Variants in GRM8 observed in about 807,000 individuals in gnomAD.
GRM8 encodes metabotropic glutamate receptor 8.
A neutral mutation model predicts 87.2 loss-of-function variants in GRM8; 47 were observed. The observed-to-expected ratio is 0.54, with a 90% CI of 0.43 to 0.69. GRM8 has a LOEUF of 0.69. Ranked by LOEUF, GRM8 falls within the 30% of genes least tolerant of loss-of-function variation. The pLI is 0.00. For synonymous variants in GRM8, 396 were observed against 404.5 expected (o/e 0.98, Z 0.25); for missense variants, 1,019 against 1,139.2 (o/e 0.89, Z 1.52).
chr7:127,206,853 C>T (rs116155056), intron 2 of GRM8, among the ~76,000 whole-genome samples: 2 of 152,168 alleles, frequency 1.3e-5, no homozygotes, highest in Non-Finnish European at 2.9e-5. Flanking sequence ...AAGACTTTTC[C>T]TTAATTATCA....
At chr7:126,568,419 A>T (rs1437313561) in intron 8 of GRM8, among the ~76,000 whole-genome samples, 1 of 152,134 alleles carries the variant, frequency 6.6e-6, no homozygotes, top group Non-Finnish European at 1.5e-5. Context: ...TTTAAAACTA[A>T]GTTATTTAGG....
chr7:127,175,578 T>C (rs1299535423), intron 2 of GRM8, among the ~76,000 whole-genome samples: 3 of 151,972 alleles, frequency 2.0e-5, no homozygotes, highest in Non-Finnish European at 4.4e-5. Flanking sequence ...AGAGAAAACC[T>C]TAGAAGAAGC....
chr7:127,078,834 G>T (rs371609062), intron 3 of GRM8, among the ~76,000 whole-genome samples: 1 of 152,184 alleles, frequency 6.6e-6, no homozygotes, highest in Non-Finnish European at 1.5e-5. Context: ...TTAGAATTAG[G>T]AGTAATTTTC....
intron 7 of GRM8, among the ~76,000 whole-genome samples, chr7:126,695,000 C>A (rs1202315390): frequency 6.6e-6 from 1 of 152,128 alleles, no homozygotes; most frequent in African/African-American, 2.4e-5. Context: ...CCCTGCATCC[C>A]CAGTCTTGCC....
chr7:127,158,026 T>G (rs1343830398), intron 2 of GRM8, among the ~76,000 whole-genome samples: 1 of 152,146 alleles, frequency 6.6e-6, no homozygotes, highest in African/African-American at 2.4e-5. Flanking sequence ...ACCTAAGATC[T>G]AATTAAAACA....
chr7:126,916,849 A>C (rs1470519687), intron 3 of GRM8, among the ~76,000 whole-genome samples: 5 of 152,228 alleles, frequency 3.3e-5, no homozygotes, highest in Admixed American at 6.5e-5. Context: ...CAGCACCCAA[A>C]GCATTTAAAA....
intron 3 of GRM8, among the ~76,000 whole-genome samples, chr7:126,936,027 G>A (rs113489191): frequency 1.6e-4 from 25 of 152,224 alleles, no homozygotes; most frequent in Middle Eastern, 3.4e-3. Context: ...TACCAAGCCT[G>A]AATTACTCTA....
chr7:126,917,941 T>C (rs1052214518), intron 3 of GRM8, among the ~76,000 whole-genome samples: 13 of 152,224 alleles, frequency 8.5e-5, no homozygotes, highest in Non-Finnish European at 1.8e-4. Context: ...TCATCACTCA[T>C]GGAGCATTAA....
intron 7 of GRM8, among the ~76,000 whole-genome samples, chr7:126,690,667 T>C (rs1808706364): frequency 6.6e-6 from 1 of 152,062 alleles, no homozygotes; most frequent in Non-Finnish European, 1.5e-5. Flanking sequence ...ATTTGGTGGG[T>C]CTCCAGTTCT....
intron 3 of GRM8, among the ~76,000 whole-genome samples, chr7:127,051,435 G>A (rs1290725150): frequency 3.9e-5 from 6 of 151,986 alleles, no homozygotes; most frequent in South Asian, 4.1e-4. Context: ...CCCATGTTAA[G>A]TGGATAAGGC....
rs73449236 is a variant in GRM8, at chr7:126,578,818, T to C, written c.1494+30544A>G. 3.3e-3 allele frequency among the ~76,000 whole-genome samples: 509 copies of C among 152,248 alleles called. 3 individuals are homozygous for C. The highest frequency in any genetic ancestry group is 0.011 in the African/African-American group (465 of 41,548). On this transcript the variant is annotated intron_variant, in intron 8 of 10. Coordinates refer to ENST00000339582, the MANE Select transcript of GRM8 (RefSeq NM_000845.3). ...AGTATTTTACATTAGATATTAGCTA[T>C]CGGACAATTATTAAACTTAAAGAGG...
chr7:126,804,282 C>T (rs149578062), intron 6 of GRM8, among the ~76,000 whole-genome samples: 16 of 152,358 alleles, frequency 1.1e-4, no homozygotes, highest in African/African-American at 3.8e-4. Flanking sequence ...AGCAGGATCA[C>T]TTCTTTTCGT....
intron 6 of GRM8, among the ~76,000 whole-genome samples, chr7:126,787,441 T>C (rs1820735289): frequency 6.6e-6 from 1 of 152,210 alleles, no homozygotes; most frequent in African/African-American, 2.4e-5. Context: ...TCATTTGAAA[T>C]TAAATATGAA....
chr7:126,470,921 T>A (rs1805114699), intron 9 of GRM8, among the ~76,000 whole-genome samples: 1 of 152,176 alleles, frequency 6.6e-6, no homozygotes, highest in Non-Finnish European at 1.5e-5. Context: ...TGGTTTTGAT[T>A]TGCATTTCTC....
intron 2 of GRM8, among the ~76,000 whole-genome samples, chr7:127,215,760 A>T (rs1020228207): frequency 1.3e-5 from 2 of 152,220 alleles, no homozygotes; most frequent in African/African-American, 4.8e-5. Flanking sequence ...TCATAATACT[A>T]GAAGCAGAAG....
At chr7:127,080,950 G>A (rs1036827750) in intron 3 of GRM8, 1 of 152,104 alleles carries the variant, frequency 6.6e-6, no homozygotes, top group African/African-American at 2.4e-5. Flanking sequence ...GCCATCAAAA[G>A]CAACCTTTCT....
At chr7:126,973,876 G>T (rs1205200713) in intron 3 of GRM8, among the ~76,000 whole-genome samples, 1 of 152,120 alleles carries the variant, frequency 6.6e-6, no homozygotes, top group African/African-American at 2.4e-5. Context: ...AGAGAGAGTA[G>T]CAGTTAACTA....
At chr7:127,235,330 C>T (rs866278005) in intron 2 of GRM8, among the ~76,000 whole-genome samples, 1 of 152,288 alleles carries the variant, frequency 6.6e-6, no homozygotes, top group South Asian at 2.1e-4. Context: ...AGCATATGAC[C>T]ACCATGCTGA....
chr7:126,582,570 T>C (rs528297689), intron 8 of GRM8, among the ~76,000 whole-genome samples: 28 of 152,306 alleles, frequency 1.8e-4, no homozygotes, highest in African/African-American at 6.0e-4. Flanking sequence ...CAGCCTTCTA[T>C]TGGAAGAAGG....
Sources: gnomAD v4.1 joint callset for allele counts (sites outside exome capture counted in the v4.1 genomes callset) on GRCh38, gnomAD v4.1.1 for gene constraint, MANE v1.5 for transcripts, NCBI Gene and HGNC (gene_info 2026-07-23, HGNC 2026-07-21) for gene names.